The following RGS6 variants were observed in gnomAD, a reference collection of about 807,000 sequenced individuals.
RGS6 encodes the protein regulator of G protein signaling 6, also known as regulator of G-protein signaling 6.
Under a neutral mutation model 78.5 loss-of-function variants are expected in RGS6, and 30 were observed. The observed-to-expected ratio is 0.38, with a 90% CI of 0.29 to 0.52. RGS6 has a LOEUF of 0.52. RGS6 is among the 20% of genes least tolerant of loss of function. The pLI is 0.85. For missense variants in RGS6, 495 were observed against 609.7 expected (o/e 0.81, Z 1.98); for synonymous variants, 206 against 206.0 (o/e 1.00, Z 0.00).
chr14:72,182,807 G>A (rs779651162), intron 2 of RGS6, among the ~76,000 whole-genome samples: 1 of 152,196 alleles, frequency 6.6e-6, no homozygotes, highest in African/African-American at 2.4e-5. Flanking sequence ...TTTGGTTAAA[G>A]GTTTGAATGG....
In RGS6 at chr14:72,152,273, T is replaced by TGC. The variant is rs151177791; in HGVS notation, c.84+187401_84+187402dup. ...GTGTGTGTGTGTGTGTGTGTGTGTGTGCGCATGCAGCCTTTAGAGGTCAGA... is the reference window on the plus strand; with the variant it reads ...GTGTGTGTGTGTGTGTGTGTGTGTGTGCGCGCATGCAGCCTTTAGAGGTCAGA... On this transcript the variant is annotated intron_variant, in intron 2 of 17. Coordinates refer to ENST00000553525, the MANE Select transcript of RGS6 (RefSeq NM_001204424.2). Among the ~76,000 whole-genome samples, 870 of 149,230 alleles carry TGC rather than the reference T, an allele frequency of 5.8e-3. 12 individuals carry two copies. The highest frequency in any genetic ancestry group is 0.019 in the African/African-American group (783 of 40,534).
intron 2 of RGS6, among the ~76,000 whole-genome samples, chr14:72,190,820 A>G (rs2238247): frequency 0.22 from 33,225 of 152,068 alleles, 3,723 homozygotes; most frequent in African/African-American, 0.26. Flanking sequence ...GAAATTCCTG[A>G]TTGTACCTCT....
chr14:72,327,299 A>C (rs2074019195), intron 2 of RGS6, among the ~76,000 whole-genome samples: 1 of 152,158 alleles, frequency 6.6e-6, no homozygotes, highest in Non-Finnish European at 1.5e-5. Flanking sequence ...TGGAGCAGGG[A>C]CTGTCAGAAC....
At chr14:72,251,525 T>A (rs1458953413) in intron 2 of RGS6, among the ~76,000 whole-genome samples, 1 of 152,212 alleles carries the variant, frequency 6.6e-6, no homozygotes, top group Non-Finnish European at 1.5e-5. Flanking sequence ...GTGGTCAGCA[T>A]GCCAAAGCAC....
At chr14:72,132,013 T>C (rs2096330443) in intron 2 of RGS6, among the ~76,000 whole-genome samples, 1 of 152,202 alleles carries the variant, frequency 6.6e-6, no homozygotes, top group Admixed American at 6.5e-5. Context: ...CAGCTCTCCT[T>C]TAAGATTAGT....
chr14:71,943,935 C>T (rs1311049471), intron 1 of RGS6, among the ~76,000 whole-genome samples: 3 of 152,010 alleles, frequency 2.0e-5, no homozygotes, highest in Admixed American at 6.6e-5. Context: ...GCAAGGTGCA[C>T]GTGGTTATAG....
At chr14:71,995,984 CAAGG>C (rs1840573120) in intron 2 of RGS6, among the ~76,000 whole-genome samples, 1 of 152,074 alleles carries the variant, frequency 6.6e-6, no homozygotes, top group South Asian at 2.1e-4. Context: ...TTCCAGTGAC[CAAGG>C]GCACAGCTTG....
the RGS6 span, among the ~76,000 whole-genome samples, chr14:71,875,179 C>T: frequency 3.9e-5 from 6 of 152,136 alleles, no homozygotes; most frequent in Non-Finnish European, 7.4e-5. Context: ...AGGGAGGATT[C>T]CCTCTTTTTC....
At chr14:72,221,366 G>T (rs1567507468) in intron 2 of RGS6, among the ~76,000 whole-genome samples, 1 of 152,080 alleles carries the variant, frequency 6.6e-6, no homozygotes. Flanking sequence ...TCTAGGGGTG[G>T]CCGTGGGACC....
intron 2 of RGS6, among the ~76,000 whole-genome samples, chr14:71,997,535 C>T (rs1158607709): frequency 6.6e-6 from 1 of 152,178 alleles, no homozygotes; most frequent in Non-Finnish European, 1.5e-5. Context: ...TTTGTATCAA[C>T]TTTTCAAAAT....
At chr14:72,338,357 A>C (rs1207564090) in intron 2 of RGS6, among the ~76,000 whole-genome samples, 1 of 152,238 alleles carries the variant, frequency 6.6e-6, no homozygotes, top group Non-Finnish European at 1.5e-5. Context: ...AATGAGAGCC[A>C]AGAGAGTGAG....
chr14:72,360,600 T>C (rs1231705350), intron 3 of RGS6, among the ~76,000 whole-genome samples: 4 of 151,322 alleles, frequency 2.6e-5, no homozygotes, highest in Non-Finnish European at 5.9e-5. Context: ...AGTGGGCAGA[T>C]GTGATGGGAG....
the RGS6 span, among the ~76,000 whole-genome samples, chr14:71,890,915 G>A: frequency 6.6e-6 from 1 of 152,166 alleles, no homozygotes; most frequent in African/African-American, 2.4e-5. Flanking sequence ...GACACTTTTT[G>A]AGGAAACATT....
chr14:71,947,464 C>A (rs925511488), intron 1 of RGS6, among the ~76,000 whole-genome samples: 9 of 152,226 alleles, frequency 5.9e-5, no homozygotes, highest in African/African-American at 2.2e-4. Flanking sequence ...TAAAAAAAAT[C>A]TGTTTCTAAT....
chr14:72,327,927 A>T (rs749750504), intron 2 of RGS6, among the ~76,000 whole-genome samples: 12 of 152,118 alleles, frequency 7.9e-5, no homozygotes, highest in Non-Finnish European at 1.8e-4. Flanking sequence ...ATAGATATAT[A>T]TATATAAGGA....
Position 72,002,402 on chromosome 14 carries a change from C to A in RGS6, c.84+37527C>A, listed in dbSNP as rs191263246. ...GTGGCATTTTAGACATTAGTGTTTT[C>A]TTTAATCCTTAAGCATTTCAGTGTC... On this transcript the variant is annotated intron_variant, in intron 2 of 17. Coordinates refer to ENST00000553525, the MANE Select transcript of RGS6 (RefSeq NM_001204424.2). 3.2e-4 allele frequency among the ~76,000 whole-genome samples: 49 copies of A among 152,236 alleles called. No individual in the cohort carries two copies. The East Asian group carries it at 7.3e-3, about 23-fold the overall frequency.
chr14:72,615,124 G>A, the RGS6 span, among the ~76,000 whole-genome samples: 5 of 152,128 alleles, frequency 3.3e-5, no homozygotes, highest in Admixed American at 6.5e-5. Context: ...AGGGGCAGCC[G>A]GGGAGTGAGA....
the RGS6 span, among the ~76,000 whole-genome samples, chr14:72,583,541 T>G: frequency 1.4e-5 from 2 of 145,444 alleles, no homozygotes; most frequent in Non-Finnish European, 3.1e-5. Flanking sequence ...CGTAGATCAA[T>G]GGGAGTGATG....
chr14:71,928,422 C>T (rs2087749839), upstream of RGS6, among the ~76,000 whole-genome samples: 1 of 152,152 alleles, frequency 6.6e-6, no homozygotes, highest in South Asian at 2.1e-4. Flanking sequence ...GGAAAAGTAT[C>T]ATCAGCTGTC....
Sources: gnomAD v4.1 joint callset for allele counts (sites outside exome capture counted in the v4.1 genomes callset) on GRCh38, gnomAD v4.1.1 for gene constraint, MANE v1.5 for transcripts, NCBI Gene and HGNC (gene_info 2026-07-23, HGNC 2026-07-21) for gene names.